The following PSD3 variants were observed in gnomAD, a reference collection of about 807,000 sequenced individuals.
PSD3 encodes PH and SEC7 domain-containing protein 3.
In PSD3, 49 loss-of-function variants were observed where a neutral mutation model predicts 105.5. The ratio of observed to expected loss-of-function variants is 0.46; its 90% CI spans 0.37 to 0.59. The LOEUF is 0.59. Ranked by LOEUF, PSD3 falls within the 20% of genes least tolerant of loss-of-function variation. The probability of loss-of-function intolerance (pLI) is 0.00; values close to 1 mark genes in which losing one functional copy is unlikely to be tolerated. For missense variants in PSD3, 1,561 were observed against 1,263.8 expected, an observed-to-expected ratio of 1.24 and a Z score of -3.57; for synonymous variants, 557 against 457.8, an observed-to-expected ratio of 1.22 and a Z score of -2.77.
intron 9 of PSD3, among the ~76,000 whole-genome samples, chr8:18,665,337 T>C (rs1344701217): frequency 6.6e-6 from 1 of 152,072 alleles, no homozygotes; most frequent in Non-Finnish European, 1.5e-5. Context: ...CTTTGGGGGG[T>C]TTGAGACTTC....
At chr8:19,016,636 A>T (rs1461006744), upstream of PSD3, among the ~76,000 whole-genome samples, 1 of 152,230 alleles carries the variant, frequency 6.6e-6, no homozygotes, top group Non-Finnish European at 1.5e-5. Context: ...AAAACACTTC[A>T]GTAATATTTG....
At chr8:18,904,514 G>A (rs1232086481) in intron 2 of PSD3, among the ~76,000 whole-genome samples, 2 of 152,146 alleles carry the variant, frequency 1.3e-5, no homozygotes, top group African/African-American at 2.4e-5. Flanking sequence ...TTCCCTGCTG[G>A]GTTTCAGACT....
At chr8:18,864,076 C>G (rs1164528465) in intron 4 of PSD3, among the ~76,000 whole-genome samples, 1 of 152,196 alleles carries the variant, frequency 6.6e-6, no homozygotes, top group Admixed American at 6.5e-5. Context: ...AAAGACAGAT[C>G]TTGAAACAGA....
intron 9 of PSD3, among the ~76,000 whole-genome samples, chr8:18,698,400 C>A (rs1029053416): frequency 6.6e-6 from 1 of 152,102 alleles, no homozygotes; most frequent in Non-Finnish European, 1.5e-5. Context: ...ATTATAGGTG[C>A]AAGCCATGAT....
At chr8:18,916,349 T>TACACACACACACACAC (rs1216820670) in intron 2 of PSD3, among the ~76,000 whole-genome samples, 1 of 44,742 alleles carries the variant, frequency 2.2e-5, no homozygotes. Flanking sequence ...TATATATATA[T>TACACACACACACACAC]ACACACACAC....
At chr8:18,722,487 G>A (rs952934712) in intron 9 of PSD3, among the ~76,000 whole-genome samples, 4 of 152,168 alleles carry the variant, frequency 2.6e-5, no homozygotes, top group Non-Finnish European at 5.9e-5. Context: ...CCCTTCAAGT[G>A]AGTAATACGT....
Position 18,867,971 on chromosome 8 carries a change from T to G in PSD3, c.1337A>C (p.Glu446Ala), listed in dbSNP as rs772018763. Residue 446 changes from glutamate to alanine, a missense_variant, in exon 4 of 16, where the codon GAA becomes GCA. Coordinates refer to ENST00000327040, the MANE Select transcript of PSD3 (RefSeq NM_015310.4). ...TAAAGAAGTGTTGTCCAAAATGGTT[T>G]CAAACTGGGAGCTGTACACGTCGGT... ...DSTDVYSSQFETILDNTSLYY... is the reference protein window; with the variant it reads ...DSTDVYSSQFATILDNTSLYY... 1 of 1,614,052 alleles carries G rather than the reference T, an allele frequency of 6.2e-7. No homozygotes were observed. The highest frequency in any genetic ancestry group is 2.2e-5 in the East Asian group (1 of 44,890).
At chr8:18,639,324 G>A (rs1443768684) in intron 10 of PSD3, among the ~76,000 whole-genome samples, 1 of 152,004 alleles carries the variant, frequency 6.6e-6, no homozygotes, top group Non-Finnish European at 1.5e-5. Flanking sequence ...GAGCACATGT[G>A]AAGTTCTTTC....
At chr8:18,850,641 G>A (rs1815487929) in intron 4 of PSD3, among the ~76,000 whole-genome samples, 1 of 152,136 alleles carries the variant, frequency 6.6e-6, no homozygotes, top group Non-Finnish European at 1.5e-5. Context: ...GTAAGACGGT[G>A]AATACAGCAA....
At chr8:19,013,951 G>A (rs1019906279), upstream of PSD3, 2 of 153,206 alleles carry the variant, frequency 1.3e-5, no homozygotes, top group Non-Finnish European at 2.9e-5. Context: ...GGGGAGGCTG[G>A]AGGCGATCCA....
At chr8:18,700,619 G>C (rs1357981733) in intron 9 of PSD3, among the ~76,000 whole-genome samples, 2 of 152,230 alleles carry the variant, frequency 1.3e-5, no homozygotes, top group African/African-American at 4.8e-5. Flanking sequence ...ACCAGGAACA[G>C]AAGCCAAGCC....
chr8:18,650,580 T>C (rs931817828), intron 10 of PSD3, among the ~76,000 whole-genome samples: 1 of 152,152 alleles, frequency 6.6e-6, no homozygotes, highest in Non-Finnish European at 1.5e-5. Context: ...CTTTGTACAG[T>C]CCTCCCTCTC....
chr8:18,617,007 C>A (rs1805742274), intron 11 of PSD3, among the ~76,000 whole-genome samples: 1 of 152,114 alleles, frequency 6.6e-6, no homozygotes, highest in Admixed American at 6.5e-5. Flanking sequence ...TTTCTCTACT[C>A]CATTGAGGGT....
chr8:18,728,896 C>T (rs957817759), intron 9 of PSD3, among the ~76,000 whole-genome samples: 9 of 152,040 alleles, frequency 5.9e-5, no homozygotes, highest in African/African-American at 1.9e-4. Flanking sequence ...AGGGTGGACG[C>T]CTCACATGTC....
chr8:18,994,929 G>T (rs539441823), intron 1 of PSD3, among the ~76,000 whole-genome samples: 3 of 151,708 alleles, frequency 2.0e-5, no homozygotes. Flanking sequence ...AACCCCCACC[G>T]AGACATATCC....
At chr8:18,627,782 A>G (rs2130746063) in intron 11 of PSD3, among the ~76,000 whole-genome samples, 1 of 151,596 alleles carries the variant, frequency 6.6e-6, no homozygotes, top group African/African-American at 2.4e-5. Flanking sequence ...CTGGCACTCA[A>G]AAATTACAAG....
chr8:18,770,057 C>A (rs963886363), intron 8 of PSD3, among the ~76,000 whole-genome samples: 1 of 152,218 alleles, frequency 6.6e-6, no homozygotes. Flanking sequence ...CTGCCAGACT[C>A]ATTTTCAAAG....
intron 11 of PSD3, among the ~76,000 whole-genome samples, chr8:18,610,850 G>C (rs1236866162): frequency 2.6e-5 from 4 of 152,078 alleles, no homozygotes. Context: ...CATAAACTGG[G>C]AGCTAGGCAC....
chr8:18,958,505 A>T (rs1823718454), intron 1 of PSD3, among the ~76,000 whole-genome samples: 1 of 152,226 alleles, frequency 6.6e-6, no homozygotes, highest in Admixed American at 6.5e-5. Context: ...ATTACAGAAA[A>T]CATTTACAAT....
Sources: allele counts gnomAD v4.1 joint callset (sites outside exome capture counted in the v4.1 genomes callset), GRCh38; gene constraint gnomAD v4.1.1; transcripts MANE v1.5; gene names NCBI Gene and HGNC (gene_info 2026-07-23, HGNC 2026-07-21).